FNBP1L: variants seen among roughly 807,000 people sequenced by gnomAD.
FNBP1L encodes formin-binding protein 1-like.
A neutral mutation model predicts 91.2 loss-of-function variants in FNBP1L; 36 were observed. The observed-to-expected ratio is 0.39, with a 90% CI of 0.30 to 0.52. FNBP1L has a LOEUF of 0.52. Ranked by LOEUF, FNBP1L falls within the 20% of genes least tolerant of loss-of-function variation. The pLI is 0.66. For synonymous variants in FNBP1L, 242 were observed against 237.0 expected (o/e 1.02, Z -0.19); for missense variants, 571 against 732.1 (o/e 0.78, Z 2.54).
At chr1:93,481,347 A>G (rs1007381055) in intron 1 of FNBP1L, among the ~76,000 whole-genome samples, 3 of 152,176 alleles carry the variant, frequency 2.0e-5, no homozygotes, top group Non-Finnish European at 4.4e-5. Context: ...TATTATCACT[A>G]TCAGCCTGTC....
intron 1 of FNBP1L, among the ~76,000 whole-genome samples, chr1:93,496,697 C>G (rs1281381429): frequency 1.3e-5 from 2 of 152,144 alleles, no homozygotes; most frequent in Non-Finnish European, 2.9e-5. Context: ...AGCCATCTAG[C>G]CTTTTTTATG....
Position 93,456,602 on chromosome 1 carries a change from C to CAAA in FNBP1L, c.24+8316_24+8318dup, listed in dbSNP as rs60167572. Among the ~76,000 whole-genome samples, 109 of 53,344 alleles carry CAAA rather than the reference C, an allele frequency of 2.0e-3. 1 individual carries two copies. The highest frequency in any genetic ancestry group is 6.4e-3 in the African/African-American group (107 of 16,674). The allele number at this position is 53,344 out of a possible 152,430, so 35.0% of individuals were successfully genotyped here. On this transcript the variant is annotated intron_variant, in intron 1 of 16. Transcript: ENST00000271234. ...CAAGATGGTGAAACCCCTTCTCTACCAAAAAAAAAAAAAAAAAAAAAGCAA... is the reference window on the plus strand; with the variant it reads ...CAAGATGGTGAAACCCCTTCTCTACCAAAAAAAAAAAAAAAAAAAAAAAAGCAA...
chr1:93,488,056 A>G (rs955168924), intron 1 of FNBP1L, among the ~76,000 whole-genome samples: 35 of 152,168 alleles, frequency 2.3e-4, no homozygotes, highest in Non-Finnish European at 4.4e-5. Flanking sequence ...CTTCTAGTTC[A>G]TGGGGCTCAA....
chr1:93,491,522 T>A (rs1670090065), intron 1 of FNBP1L, among the ~76,000 whole-genome samples: 1 of 152,134 alleles, frequency 6.6e-6, no homozygotes, highest in Admixed American at 6.6e-5. Context: ...CCCCGGTAGC[T>A]AGGACTACAG....
intron 8 of FNBP1L, among the ~76,000 whole-genome samples, 163 bp downstream of exon 8, chr1:93,533,231 C>G (rs1056799658): frequency 6.6e-6 from 1 of 151,160 alleles, no homozygotes; most frequent in Non-Finnish European, 1.5e-5. Context: ...TTCTGAGATT[C>G]ATTCTACATG....
intron 1 of FNBP1L, among the ~76,000 whole-genome samples, chr1:93,479,679 C>G (rs1402861315): frequency 6.6e-6 from 1 of 152,160 alleles, no homozygotes; most frequent in Non-Finnish European, 1.5e-5. Flanking sequence ...CGATATCTCT[C>G]CTACTTGCAC....
chr1:93,510,913 T>C (rs1670813103), intron 2 of FNBP1L, among the ~76,000 whole-genome samples: 1 of 151,932 alleles, frequency 6.6e-6, no homozygotes, highest in South Asian at 2.1e-4. Flanking sequence ...GAAAATAGAA[T>C]AAAAAGAAAC....
At chr1:93,515,770 TG>T (rs1557804134) in intron 2 of FNBP1L, among the ~76,000 whole-genome samples, 1 of 41,586 alleles carries the variant, frequency 2.4e-5, no homozygotes, top group Admixed American at 3.3e-4. Context: ...TGTTGTGGGG[TG>T]GGGGGAGGGG....
intron 16 of FNBP1L, chr1:93,551,959 C>CA: frequency 1.0e-6 from 1 of 987,888 alleles, no homozygotes; most frequent in Non-Finnish European, 1.2e-6. Flanking sequence ...GAAAAATACA[C>CA]ATTTGAAGAT....
Position 93,499,473 on chromosome 1 carries a change from G to T in FNBP1L, c.30G>T (p.Gln10His). ...TTTTTATCTTCCTTTTCCAGGATCAGTTCGACAGCTTAGACAAGCATACAC... is the reference window on the plus strand; with the variant it reads ...TTTTTATCTTCCTTTTCCAGGATCATTTCGACAGCTTAGACAAGCATACAC... MSWGTELWD[Q>H]FDSLDKHTQW... Residue 10 changes from glutamine (Q) to histidine (H), a missense_variant, in exon 2 of 17, where the codon CAG becomes CAT. Gln to His is a conservative substitution (Grantham distance 24). This residue lies in a region of FNBP1L where 220 missense variants were observed against 313.6 expected (regional missense o/e 0.70). Coordinates refer to ENST00000271234, the MANE Select transcript of FNBP1L (RefSeq NM_001164473.3). 6.3e-7 allele frequency: 1 copy of T among 1,583,472 alleles called. No individual in the cohort carries two copies. Among genetic ancestry groups the T allele is most frequent in the Non-Finnish European group, 8.6e-7 (1 of 1,166,214 alleles).
At chr1:93,526,289 C>T (rs1035318461) in intron 5 of FNBP1L, among the ~76,000 whole-genome samples, 4 of 152,166 alleles carry the variant, frequency 2.6e-5, no homozygotes, top group African/African-American at 4.8e-5. Flanking sequence ...GGAGCAGTTC[C>T]ATAGTTAGTC....
Position 93,552,081 on chromosome 1 carries a change from G to A in FNBP1L, c.1811-328G>A, listed in dbSNP as rs1215065981. 4 of 1,084,080 alleles carry A rather than the reference G, an allele frequency of 3.7e-6. No individual in the cohort carries two copies. The South Asian group carries it at 1.3e-4, about 36-fold the overall frequency. 67.2% of individuals were successfully genotyped at this position (1,084,080 alleles called of 1,614,324 possible). The stretch of plus-strand genomic sequence containing the variant: ...ATGTGTACCGCCTTTAGGGCATTTT[G>A]TTATTTCCGCTGAATCATTAGTTAT... On this transcript the variant is annotated intron_variant, in intron 16 of 16. Coordinates refer to ENST00000271234, the MANE Select transcript of FNBP1L (RefSeq NM_001164473.3).
rs237426 is a variant in FNBP1L, at chr1:93,546,822, G to A, written c.1275-20G>A. ...CATATGAAGTTAATATTTAATTCTG[G>A]GGTTCCTTCTCTTTTTTAGAGATGC... On this transcript the variant is annotated intron_variant, in intron 12 of 16. Coordinates refer to ENST00000271234, the MANE Select transcript of FNBP1L (RefSeq NM_001164473.3). The A allele has an allele frequency of 6.2e-7, 1 of 1,609,480 alleles. No homozygotes were observed. Among genetic ancestry groups the A allele is most frequent in the Non-Finnish European group, 8.5e-7 (1 of 1,177,892 alleles).
chr1:93,481,066 A>G (rs998108283), intron 1 of FNBP1L, among the ~76,000 whole-genome samples: 1 of 152,058 alleles, frequency 6.6e-6, no homozygotes, highest in African/African-American at 2.4e-5. Context: ...TACCATAGAC[A>G]TTTTCCTGAC....
At chr1:93,503,243 C>T (rs1367376426) in intron 2 of FNBP1L, among the ~76,000 whole-genome samples, 4 of 151,982 alleles carry the variant, frequency 2.6e-5, no homozygotes, top group Admixed American at 6.6e-5. Flanking sequence ...AAGTGCCAAG[C>T]GAAGGGGGAA....
chr1:93,448,610 C>T (rs770911974), intron 1 of FNBP1L, among the ~76,000 whole-genome samples: 4 of 152,132 alleles, frequency 2.6e-5, no homozygotes, highest in Non-Finnish European at 4.4e-5. Context: ...TGTTCCTTCT[C>T]CCTCCTCCAC....
At chr1:93,510,480 A>G (rs1670793799) in intron 2 of FNBP1L, among the ~76,000 whole-genome samples, 1 of 152,154 alleles carries the variant, frequency 6.6e-6, no homozygotes. Flanking sequence ...TCAAAGACCA[A>G]AAGTAGATAA....
intron 1 of FNBP1L, among the ~76,000 whole-genome samples, chr1:93,483,207 AAAAAG>A (rs1156519578): frequency 5.9e-5 from 9 of 151,314 alleles, no homozygotes; most frequent in African/African-American, 2.2e-4. Flanking sequence ...AAAAAAAAAA[AAAAAG>A]AAAGGAAAGC....
At chr1:93,552,355 G>A in intron 16 of FNBP1L, 54 bp from the exon 17 acceptor site, 2 of 1,593,384 alleles carry the variant, frequency 1.3e-6, no homozygotes, top group Non-Finnish European at 1.7e-6. Flanking sequence ...ACCCCTTTTG[G>A]TTTTACCAAA....
Sources: allele counts gnomAD v4.1 joint callset (sites outside exome capture counted in the v4.1 genomes callset), GRCh38; gene constraint gnomAD v4.1.1; regional missense constraint gnomAD v4.1.1; transcripts MANE v1.5; gene names NCBI Gene and HGNC (gene_info 2026-07-23, HGNC 2026-07-21).